Variants in FABP6 observed in about 807,000 individuals in gnomAD.
FABP6 encodes the protein gastrotropin.
Under a neutral mutation model 14.9 loss-of-function variants are expected in FABP6, and 13 were observed. The observed-to-expected ratio is 0.87, with a 90% CI of 0.57 to 1.39. FABP6 has a LOEUF of 1.39. Among genes scored for constraint, FABP6 ranks in the 40% most tolerant of loss-of-function variants. The pLI is 0.00. For missense variants in FABP6, 161 were observed against 167.2 expected (o/e 0.96, Z 0.20); for synonymous variants, 75 against 63.6 (o/e 1.18, Z -0.85).
intron 1 of FABP6, among the ~76,000 whole-genome samples, chr5:160,193,429 G>C (rs1053960607): frequency 1.6e-4 from 25 of 152,226 alleles, no homozygotes; most frequent in Non-Finnish European, 3.5e-4. Context: ...CAGTGTGGAA[G>C]GGGACCCGAG....
chr5:160,217,032 A>T (rs1003138245), intron 3 of FABP6, among the ~76,000 whole-genome samples: 3 of 152,116 alleles, frequency 2.0e-5, no homozygotes, highest in African/African-American at 7.2e-5. Context: ...CATCTACATG[A>T]TGGGGGTAAT....
intron 1 of FABP6, 36 bp downstream of exon 1, chr5:160,229,660 G>A (rs1317225213): frequency 3.1e-6 from 5 of 1,605,558 alleles, no homozygotes; most frequent in Non-Finnish European, 4.3e-6. Flanking sequence ...CCTCGGGGTT[G>A]GTTTGTCACA....
In FABP6 at chr5:160,238,590, C is replaced by T. The variant is rs777999034; in HGVS notation, c.334-16C>T. 48 of 1,613,506 alleles carry T rather than the reference C, an allele frequency of 3.0e-5. No individual in the cohort carries two copies. In the East Asian group the frequency reaches 3.1e-4, roughly 10 times the overall value. ...GGTGGGGCACTGACTCCCTCTGTCC[C>T]GGCTGCTTCTTTCAGGTCTCCACCA... On this transcript the variant is annotated splice_polypyrimidine_tract_variant and intron_variant, in intron 3 of 3. Coordinates refer to ENST00000402432, the MANE Select transcript of FABP6 (RefSeq NM_001445.3).
At chr5:160,229,690 C>A (rs1303711155) in intron 1 of FABP6, 66 bp downstream of exon 1, 7 of 1,419,622 alleles carry the variant, frequency 4.9e-6, no homozygotes, top group Admixed American at 1.7e-5. Context: ...GGGCCAGGAA[C>A]CCTAAAGTAG....
intron 1 of FABP6, among the ~76,000 whole-genome samples, chr5:160,190,421 G>A (rs7709700): frequency 0.57 from 85,971 of 151,856 alleles, 24,532 homozygotes; most frequent in Non-Finnish European, 0.6. Context: ...TAGTGGAGAC[G>A]AGGTTTCTCC....
chr5:160,193,512 G>A (rs1759444791), intron 1 of FABP6, among the ~76,000 whole-genome samples: 1 of 152,114 alleles, frequency 6.6e-6, no homozygotes. Context: ...CTGCTGATTG[G>A]TAGAGCCGAG....
chr5:160,201,525 T>G (rs965739500), intron 2 of FABP6, among the ~76,000 whole-genome samples: 8 of 152,100 alleles, frequency 5.3e-5, no homozygotes, highest in African/African-American at 1.7e-4. Context: ...AAAATAATAA[T>G]TTAAACGTTT....
rs944332927 is a variant in FABP6, at chr5:160,191,690, G to A, written c.-59+4236G>A. 1.8e-4 allele frequency among the ~76,000 whole-genome samples: 27 copies of A among 151,070 alleles called. No homozygotes were observed. In the East Asian group the frequency reaches 2.0e-3, roughly 11 times the overall value. The stretch of plus-strand genomic sequence containing the variant: ...TGAGATCCTGGGCTCGGCCGGGCGC[G>A]GTGGCTCACGCCTGTAATCCCAGCA... On this transcript the variant is annotated intron_variant, in intron 1 of 6. Coordinates refer to the FABP6 transcript ENST00000393980.
At chr5:160,222,947 C>T (rs912537110) in intron 3 of FABP6, among the ~76,000 whole-genome samples, 1 of 152,142 alleles carries the variant, frequency 6.6e-6, no homozygotes, top group Non-Finnish European at 1.5e-5. Flanking sequence ...CTTCACTTGA[C>T]TGTAGTTCAT....
At chr5:160,210,780 A>G (rs559792586) in intron 2 of FABP6, among the ~76,000 whole-genome samples, 13 of 152,212 alleles carry the variant, frequency 8.5e-5, no homozygotes, top group Non-Finnish European at 1.9e-4. Flanking sequence ...GTAGTTCCCA[A>G]TAACTAGAGA....
intron 2 of FABP6, among the ~76,000 whole-genome samples, chr5:160,203,652 T>C (rs1759695949): frequency 6.6e-6 from 1 of 152,202 alleles, no homozygotes; most frequent in Non-Finnish European, 1.5e-5. Context: ...TGCAAACCAC[T>C]GCATCCAACT....
At chr5:160,193,126 T>G (rs1326599379) in intron 1 of FABP6, among the ~76,000 whole-genome samples, 1 of 152,180 alleles carries the variant, frequency 6.6e-6, no homozygotes, top group Non-Finnish European at 1.5e-5. Context: ...TTACAGCTCT[T>G]AAGGTGGCAC....
At chr5:160,193,994 G>A (rs981396822) in intron 1 of FABP6, among the ~76,000 whole-genome samples, 34 of 152,350 alleles carry the variant, frequency 2.2e-4, no homozygotes, top group African/African-American at 6.3e-4. Context: ...CCACGGAGGC[G>A]GGGGAAGGCT....
chr5:160,217,274 G>A (rs916614628), intron 3 of FABP6, among the ~76,000 whole-genome samples: 2 of 152,286 alleles, frequency 1.3e-5, no homozygotes, highest in African/African-American at 4.8e-5. Flanking sequence ...CAGGCAGTTG[G>A]ATATACTAAG....
At chr5:160,194,189 A>C (rs1197749758) in intron 1 of FABP6, among the ~76,000 whole-genome samples, 1 of 152,180 alleles carries the variant, frequency 6.6e-6, no homozygotes, top group African/African-American at 2.4e-5. Flanking sequence ...GGCTGCTCCC[A>C]GTGCGGGACC....
intron 1 of FABP6, chr5:160,198,922 A>G: frequency 1.7e-6 from 1 of 604,692 alleles, no homozygotes; most frequent in Non-Finnish European, 2.9e-6. Context: ...TTTCTTCTGT[A>G]TCTCCAGGGC....
chr5:160,202,909 T>C (rs1041856154), intron 2 of FABP6, among the ~76,000 whole-genome samples: 1 of 146,818 alleles, frequency 6.8e-6, no homozygotes, highest in Non-Finnish European at 1.5e-5. Context: ...GAAGCTGGGC[T>C]TTTTTTTTTG....
At chr5:160,217,531 C>T (rs901039317) in intron 3 of FABP6, among the ~76,000 whole-genome samples, 2 of 152,188 alleles carry the variant, frequency 1.3e-5, no homozygotes, top group African/African-American at 4.8e-5. Context: ...ACTTAACACA[C>T]TCACTTAACA....
At chr5:160,200,312 C>T (rs1266370432) in intron 2 of FABP6, among the ~76,000 whole-genome samples, 1 of 152,234 alleles carries the variant, frequency 6.6e-6, no homozygotes, top group Non-Finnish European at 1.5e-5. Flanking sequence ...CCAGAATCCC[C>T]ATCTGACCTC....
Sources: allele counts gnomAD v4.1 joint callset (sites outside exome capture counted in the v4.1 genomes callset), GRCh38; gene constraint gnomAD v4.1.1; transcripts MANE v1.5; gene names NCBI Gene and HGNC (gene_info 2026-07-23, HGNC 2026-07-21).